Variants in DAB1 observed in about 807,000 individuals in gnomAD.
DAB1 encodes disabled homolog 1.
A neutral mutation model predicts 64.6 loss-of-function variants in DAB1; 15 were observed. The observed-to-expected ratio is 0.23, with a 90% CI of 0.16 to 0.36. The LOEUF is 0.36. Among genes scored for constraint, DAB1 ranks in the 10% least tolerant of loss-of-function variants. The pLI is 1.00. For synonymous variants in DAB1, 235 were observed against 251.9 expected (o/e 0.93, Z 0.64); for missense variants, 596 against 706.7 (o/e 0.84, Z 1.78).
intron 6 of DAB1, among the ~76,000 whole-genome samples, chr1:57,810,108 CT>C (rs1651547827): frequency 6.6e-6 from 1 of 152,140 alleles, no homozygotes; most frequent in Non-Finnish European, 1.5e-5. Context: ...TTAAAACCTT[CT>C]CTCCCCCAGC....
At chr1:58,161,806 T>C (rs954907100) in intron 4 of DAB1, among the ~76,000 whole-genome samples, 3 of 152,144 alleles carry the variant, frequency 2.0e-5, no homozygotes, top group Non-Finnish European at 4.4e-5. Flanking sequence ...ACTACTGCAT[T>C]GTCACCAAGA....
At chr1:58,507,027 T>G (rs553698508) in intron 2 of DAB1, among the ~76,000 whole-genome samples, 1 of 152,166 alleles carries the variant, frequency 6.6e-6, no homozygotes, top group African/African-American at 2.4e-5. Flanking sequence ...TAAGAAGCTG[T>G]TAACTACCCT....
chr1:57,831,272 G>A (rs1044308503), intron 1 of DAB1, among the ~76,000 whole-genome samples: 3 of 152,218 alleles, frequency 2.0e-5, no homozygotes, highest in African/African-American at 7.2e-5. Context: ...TTCCTGGGAG[G>A]GAGAGAGATT....
chr1:58,422,690 C>T (rs1049244840), intron 3 of DAB1, among the ~76,000 whole-genome samples: 10 of 151,356 alleles, frequency 6.6e-5, no homozygotes, highest in Non-Finnish European at 1.5e-4. Context: ...ATTATTACTG[C>T]CAGCTGCTTG....
intron 7 of DAB1, among the ~76,000 whole-genome samples, chr1:57,609,926 T>G (rs999861229): frequency 1.3e-5 from 2 of 152,168 alleles, no homozygotes; most frequent in African/African-American, 4.8e-5. Context: ...CAAATAGAAT[T>G]CTTCTGGACA....
chr1:57,580,810 A>T (rs1439012464), intron 7 of DAB1, among the ~76,000 whole-genome samples: 1 of 152,196 alleles, frequency 6.6e-6, no homozygotes, highest in Non-Finnish European at 1.5e-5. Context: ...TTTGGGTATG[A>T]TTGTATCCAG....
intron 5 of DAB1, among the ~76,000 whole-genome samples, chr1:57,922,845 C>CAAAAAAAATAAAAA (rs1644828099): frequency 2.2e-5 from 1 of 45,010 alleles, no homozygotes; most frequent in African/African-American, 1.1e-4. Flanking sequence ...GACTCCATCT[C>CAAAAAAAATAAAAA]AAAAAAAAAA....
chr1:58,266,104 T>C (rs1355437631), intron 4 of DAB1, among the ~76,000 whole-genome samples: 1 of 150,810 alleles, frequency 6.6e-6, no homozygotes, highest in Non-Finnish European at 1.5e-5. Flanking sequence ...AATTAGTGCA[T>C]ATCAAATGTG....
chr1:57,734,026 C>A (rs1384718464), intron 6 of DAB1, among the ~76,000 whole-genome samples: 1 of 152,084 alleles, frequency 6.6e-6, no homozygotes, highest in Non-Finnish European at 1.5e-5. Context: ...ACCCAGCCCC[C>A]AGGGTTGCAC....
At chr1:58,089,253 GC>G (rs1650496868) in intron 5 of DAB1, among the ~76,000 whole-genome samples, 2 of 152,222 alleles carry the variant, frequency 1.3e-5, no homozygotes, top group Admixed American at 1.3e-4. Context: ...CTGAGTCTTA[GC>G]ATCTTCTGCT....
chr1:57,393,066 A>G (rs1353429759), intron 1 of DAB1, among the ~76,000 whole-genome samples: 1 of 152,174 alleles, frequency 6.6e-6, no homozygotes, highest in Non-Finnish European at 1.5e-5. Context: ...GTATATATTT[A>G]TGGTGTACAA....
At chr1:57,961,555 C>G (rs1451033671) in intron 5 of DAB1, among the ~76,000 whole-genome samples, 1 of 152,196 alleles carries the variant, frequency 6.6e-6, no homozygotes, top group Non-Finnish European at 1.5e-5. Flanking sequence ...CCTTGCAAAT[C>G]TCTGGATTTA....
chr1:57,812,811 G>A (rs1055163451), intron 6 of DAB1, among the ~76,000 whole-genome samples: 5 of 152,192 alleles, frequency 3.3e-5, no homozygotes, highest in African/African-American at 1.2e-4. Flanking sequence ...TAACCCCTTA[G>A]AGGGAGGATT....
chr1:57,173,724 C>A (rs1389626226), intron 2 of DAB1, among the ~76,000 whole-genome samples: 1 of 152,050 alleles, frequency 6.6e-6, no homozygotes, highest in East Asian at 1.9e-4. Flanking sequence ...GCATAGGGCC[C>A]AAATAGCATT....
intron 5 of DAB1, among the ~76,000 whole-genome samples, chr1:58,002,751 T>C (rs1032493462): frequency 6.6e-6 from 1 of 152,108 alleles, no homozygotes; most frequent in African/African-American, 2.4e-5. Flanking sequence ...ATAAAGCCAT[T>C]TTAGAGAGCA....
At chr1:57,895,183 A>C (rs537879943) in intron 5 of DAB1, among the ~76,000 whole-genome samples, 45 of 152,200 alleles carry the variant, frequency 3.0e-4, no homozygotes, top group Non-Finnish European at 5.3e-4. Context: ...ACTATGGGTA[A>C]CAATGGCCAA....
chr1:57,292,166 A>G (rs1672830605), intron 1 of DAB1, among the ~76,000 whole-genome samples: 1 of 152,212 alleles, frequency 6.6e-6, no homozygotes, highest in African/African-American at 2.4e-5. Context: ...ATGGTTTAAT[A>G]GAAAACGACT....
intron 4 of DAB1, among the ~76,000 whole-genome samples, chr1:58,287,481 G>A (rs1557722825): frequency 6.6e-6 from 1 of 152,126 alleles, no homozygotes; most frequent in Non-Finnish European, 1.5e-5. Flanking sequence ...ACCTTGGGCT[G>A]GATGCATGAG....
chr1:58,102,738 T>TA (rs1428619584), intron 5 of DAB1, among the ~76,000 whole-genome samples: 4 of 152,194 alleles, frequency 2.6e-5, no homozygotes, highest in East Asian at 1.9e-4. Flanking sequence ...TGCTATGTGA[T>TA]AAAAAATGTA....
Sources: gnomAD v4.1 joint callset for allele counts (sites outside exome capture counted in the v4.1 genomes callset) on GRCh38, gnomAD v4.1.1 for gene constraint, MANE v1.5 for transcripts, NCBI Gene and HGNC (gene_info 2026-07-23, HGNC 2026-07-21) for gene names.